The following CDKAL1 variants were observed in gnomAD, a reference collection of about 807,000 sequenced individuals.
The protein encoded by CDKAL1 is CDKAL1 threonylcarbamoyladenosine tRNA methylthiotransferase.
A neutral mutation model predicts 68.2 loss-of-function variants in CDKAL1; 32 were observed. That is an observed-to-expected ratio of 0.47 (90% confidence interval 0.35 to 0.63). CDKAL1 has a LOEUF of 0.63. CDKAL1 is among the 30% of genes least tolerant of loss of function. The pLI, the probability that CDKAL1 is intolerant of heterozygous loss-of-function variation, is 0.00. For synonymous variants in CDKAL1, 234 were observed against 244.3 expected (o/e 0.96, Z 0.39); for missense variants, 606 against 696.7 (o/e 0.87, Z 1.47).
At chr6:20,712,140 AAAGTG>A (rs1472469629) in intron 5 of CDKAL1, among the ~76,000 whole-genome samples, 3 of 152,190 alleles carry the variant, frequency 2.0e-5, no homozygotes, top group Non-Finnish European at 4.4e-5. Context: ...TTGGCAAACA[AAAGTG>A]ATGAGCTAAT....
chr6:21,036,823 G>T (rs1769621990), intron 11 of CDKAL1, among the ~76,000 whole-genome samples: 1 of 152,120 alleles, frequency 6.6e-6, no homozygotes, highest in Non-Finnish European at 1.5e-5. Context: ...AGCAGCGTTG[G>T]TGACATCTGT....
intron 11 of CDKAL1, among the ~76,000 whole-genome samples, chr6:21,022,079 C>T (rs993043756): frequency 2.6e-5 from 4 of 152,174 alleles, no homozygotes; most frequent in Admixed American, 6.5e-5. Flanking sequence ...ATTTCAGCAA[C>T]GGTAGCTGGG....
chr6:21,216,937 C>A (rs1347026562), intron 15 of CDKAL1, among the ~76,000 whole-genome samples: 2 of 152,156 alleles, frequency 1.3e-5, no homozygotes, highest in African/African-American at 4.8e-5. Flanking sequence ...TCCCACCTTA[C>A]CAGGTAATGC....
intron 4 of CDKAL1, among the ~76,000 whole-genome samples, chr6:20,559,907 C>A (rs1459669392): frequency 6.6e-6 from 1 of 151,948 alleles, no homozygotes; most frequent in East Asian, 1.9e-4. Flanking sequence ...TATTAATTTT[C>A]TTTTTTAAGA....
intron 11 of CDKAL1, among the ~76,000 whole-genome samples, chr6:21,062,122 A>C (rs1771168646): frequency 6.6e-6 from 1 of 152,216 alleles, no homozygotes; most frequent in African/African-American, 2.4e-5. Context: ...ATCAAGAAGG[A>C]TAGAGGGAAA....
At chr6:21,181,621 C>T (rs1359127516) in intron 13 of CDKAL1, among the ~76,000 whole-genome samples, 1 of 152,102 alleles carries the variant, frequency 6.6e-6, no homozygotes, top group Non-Finnish European at 1.5e-5. Context: ...TCTGTTATAG[C>T]AGCACAAAAC....
intron 9 of CDKAL1, among the ~76,000 whole-genome samples, chr6:20,914,289 CA>C (rs903075058): frequency 6.7e-6 from 1 of 150,370 alleles, no homozygotes; most frequent in Admixed American, 6.6e-5. Context: ...GACTCCATCT[CA>C]AAAAAAAAGA....
chr6:21,223,797 A>G (rs114745729), intron 15 of CDKAL1, among the ~76,000 whole-genome samples: 16 of 152,250 alleles, frequency 1.1e-4, no homozygotes, highest in African/African-American at 3.6e-4. Flanking sequence ...ACACATCTGA[A>G]GGCCCTGGAG....
chr6:21,023,831 G>C (rs1768811692), intron 11 of CDKAL1, among the ~76,000 whole-genome samples: 1 of 151,884 alleles, frequency 6.6e-6, no homozygotes. Context: ...CTTTTTCATG[G>C]CCCTTTCATC....
At chr6:21,082,874 GTTT>G (rs71540612) in intron 12 of CDKAL1, among the ~76,000 whole-genome samples, 1 of 129,130 alleles carries the variant, frequency 7.7e-6, no homozygotes, top group Non-Finnish European at 1.6e-5. Context: ...TGTTTCTTTT[GTTT>G]TTTTTTTTTT....
intron 15 of CDKAL1, among the ~76,000 whole-genome samples, chr6:21,216,313 A>T (rs1223319036): frequency 6.6e-6 from 1 of 152,204 alleles, no homozygotes; most frequent in African/African-American, 2.4e-5. Context: ...GAAGGTGTAT[A>T]TTGGCAGGCT....
chr6:21,079,357 T>C (rs1346653533), intron 12 of CDKAL1, among the ~76,000 whole-genome samples: 1 of 152,176 alleles, frequency 6.6e-6, no homozygotes, highest in African/African-American at 2.4e-5. Context: ...AAGCTCTGTC[T>C]AGGTGGCAGG....
chr6:20,821,906 T>A (rs1777295973), intron 8 of CDKAL1, among the ~76,000 whole-genome samples: 1 of 152,208 alleles, frequency 6.6e-6, no homozygotes, highest in African/African-American at 2.4e-5. Flanking sequence ...TACTCTTTCA[T>A]GGGAAAATAA....
chr6:20,901,979 T>C (rs1762007628), intron 9 of CDKAL1, among the ~76,000 whole-genome samples: 1 of 152,054 alleles, frequency 6.6e-6, no homozygotes, highest in South Asian at 2.1e-4. Flanking sequence ...TTTCGCCATG[T>C]TGGCCAGGAT....
chr6:20,846,716 G>C (rs983651314), intron 9 of CDKAL1, among the ~76,000 whole-genome samples: 4 of 152,196 alleles, frequency 2.6e-5, no homozygotes, highest in Non-Finnish European at 5.9e-5. Flanking sequence ...TGATTTGTGT[G>C]GGGTGGCCAA....
chr6:21,216,813 T>G (rs1376588304), intron 15 of CDKAL1, among the ~76,000 whole-genome samples: 1 of 152,158 alleles, frequency 6.6e-6, no homozygotes, highest in Admixed American at 6.5e-5. Context: ...AGCTTCTAAC[T>G]TACATCACAT....
At chr6:20,916,272 C>G (rs553649010) in intron 9 of CDKAL1, among the ~76,000 whole-genome samples, 8 of 152,148 alleles carry the variant, frequency 5.3e-5, no homozygotes, top group Non-Finnish European at 2.9e-5. Flanking sequence ...ATAATTGATA[C>G]CATGGTTACA....
intron 4 of CDKAL1, among the ~76,000 whole-genome samples, chr6:20,622,899 C>G (rs955215651): frequency 3.9e-5 from 6 of 151,902 alleles, no homozygotes; most frequent in African/African-American, 1.4e-4. Context: ...AATTGATTAT[C>G]ATTTGCATTA....
chr6:20,983,540 G>T (rs749012220), intron 10 of CDKAL1, among the ~76,000 whole-genome samples: 5 of 152,152 alleles, frequency 3.3e-5, no homozygotes, highest in Admixed American at 2.0e-4. Context: ...GGCCAACATG[G>T]TGAAACCCTG....
Sources: gnomAD v4.1 joint callset for allele counts (sites outside exome capture counted in the v4.1 genomes callset) on GRCh38, gnomAD v4.1.1 for gene constraint, MANE v1.5 for transcripts, NCBI Gene and HGNC (gene_info 2026-07-23, HGNC 2026-07-21) for gene names.